ENTREP2: variants seen among roughly 807,000 people sequenced by gnomAD.
ENTREP2 encodes protein ENTREP2.
At chr15:29,347,785 C>T in the ENTREP2 span, among the ~76,000 whole-genome samples, 1 of 152,192 alleles carries the variant, frequency 6.6e-6, no homozygotes, top group African/African-American at 2.4e-5. Context: ...TACGCAGGCT[C>T]GCCAACACAG....
the ENTREP2 span, among the ~76,000 whole-genome samples, chr15:29,536,672 T>C: frequency 6.6e-6 from 1 of 152,234 alleles, no homozygotes; most frequent in Admixed American, 6.5e-5. Flanking sequence ...GGAGTTTATT[T>C]GGAAAGAAGG....
the ENTREP2 span, among the ~76,000 whole-genome samples, chr15:29,631,537 C>A: frequency 1.3e-5 from 2 of 152,042 alleles, no homozygotes; most frequent in African/African-American, 2.4e-5. Context: ...CTCTGCAATG[C>A]GTATGTACAT....
At chr15:29,312,369 C>T in the ENTREP2 span, among the ~76,000 whole-genome samples, 1 of 151,794 alleles carries the variant, frequency 6.6e-6, no homozygotes, top group Admixed American at 6.6e-5. Flanking sequence ...AATAAGAAAG[C>T]TGGTTGTATA....
chr15:29,492,240 T>A, the ENTREP2 span, among the ~76,000 whole-genome samples: 70 of 152,300 alleles, frequency 4.6e-4, no homozygotes, highest in African/African-American at 1.7e-3. Flanking sequence ...GCAGTAATAC[T>A]CAGACTGCAA....
chr15:29,219,511 C>CT, the ENTREP2 span, among the ~76,000 whole-genome samples: 4,798 of 150,952 alleles, frequency 0.032, 278 homozygotes, highest in African/African-American at 0.11. Flanking sequence ...GAAAAGGATA[C>CT]TTCACACGCA....
At chr15:29,398,984 A>G in the ENTREP2 span, among the ~76,000 whole-genome samples, 1 of 152,172 alleles carries the variant, frequency 6.6e-6, no homozygotes, top group African/African-American at 2.4e-5. Context: ...ATCAGGCAAG[A>G]CCTTTGGTTC....
At chr15:29,570,264 GA>G in the ENTREP2 span, among the ~76,000 whole-genome samples, 1 of 151,670 alleles carries the variant, frequency 6.6e-6, no homozygotes, top group South Asian at 2.1e-4. Context: ...TTTCCTCCAA[GA>G]AAAGTAACTC....
At chr15:29,577,349 T>TGAGA in the ENTREP2 span, among the ~76,000 whole-genome samples, 7 of 144,452 alleles carry the variant, frequency 4.8e-5, no homozygotes, top group African/African-American at 1.8e-4. Context: ...TGTGTGTGTG[T>TGAGA]GAGAGAGAGA....
the ENTREP2 span, among the ~76,000 whole-genome samples, chr15:29,318,248 G>A: frequency 6.6e-6 from 1 of 152,184 alleles, no homozygotes; most frequent in Non-Finnish European, 1.5e-5. Context: ...CACAGCGTGT[G>A]CTCACTTCAT....
chr15:29,385,994 G>A, the ENTREP2 span, among the ~76,000 whole-genome samples: 31 of 151,618 alleles, frequency 2.0e-4, no homozygotes, highest in Non-Finnish European at 2.9e-4. Flanking sequence ...GCAGTCGGAG[G>A]AGAGTCCAGC....
the ENTREP2 span, among the ~76,000 whole-genome samples, chr15:29,119,648 T>TATAA: frequency 4.8e-4 from 2 of 4,124 alleles, 1 homozygote; most frequent in African/African-American, 5.7e-4. Context: ...TAAAATAAAA[T>TATAA]AATAAAATAA....
At chr15:29,407,648 A>T in the ENTREP2 span, among the ~76,000 whole-genome samples, 2 of 151,752 alleles carry the variant, frequency 1.3e-5, no homozygotes, top group Non-Finnish European at 2.9e-5. Context: ...ATATCTCAGC[A>T]AACCAGAGTG....
the ENTREP2 span, among the ~76,000 whole-genome samples, chr15:29,382,287 A>C: frequency 6.6e-6 from 1 of 151,450 alleles, no homozygotes; most frequent in African/African-American, 2.4e-5. Flanking sequence ...ATCACAGAGA[A>C]CACTATTTGG....
chr15:29,348,322 CAG>C, the ENTREP2 span, among the ~76,000 whole-genome samples: 13 of 152,104 alleles, frequency 8.5e-5, no homozygotes, highest in South Asian at 6.2e-4. Flanking sequence ...GAAATGGAAA[CAG>C]GGGGAGGTCT....
At chr15:29,283,783 C>CA in the ENTREP2 span, among the ~76,000 whole-genome samples, 1 of 152,068 alleles carries the variant, frequency 6.6e-6, no homozygotes, top group African/African-American at 2.4e-5. Context: ...TATTAGAGCA[C>CA]AAAAAATGCT....
chr15:29,162,099 G>A, the ENTREP2 span, among the ~76,000 whole-genome samples: 1 of 152,202 alleles, frequency 6.6e-6, no homozygotes, highest in Non-Finnish European at 1.5e-5. Flanking sequence ...ACCTGGAGCT[G>A]AGTCAATTTA....
At chr15:29,644,264 G>A in the ENTREP2 span, among the ~76,000 whole-genome samples, 5 of 152,092 alleles carry the variant, frequency 3.3e-5, no homozygotes, top group African/African-American at 4.8e-5. Context: ...GTAGATTACC[G>A]GTTGCCAAGG....
chr15:29,396,521 G>A, the ENTREP2 span, among the ~76,000 whole-genome samples: 1 of 152,168 alleles, frequency 6.6e-6, no homozygotes, highest in South Asian at 2.1e-4. Flanking sequence ...AATTTCTGAT[G>A]AAATATGTGA....
chr15:29,528,987 A>G, the ENTREP2 span, among the ~76,000 whole-genome samples: 1 of 151,492 alleles, frequency 6.6e-6, no homozygotes, highest in Non-Finnish European at 1.5e-5. Flanking sequence ...CCTTTGTCCC[A>G]TGTGATTGTA....
Sources: allele counts gnomAD v4.1 joint callset (sites outside exome capture counted in the v4.1 genomes callset), GRCh38; gene constraint gnomAD v4.1.1; transcripts MANE v1.5; gene names NCBI Gene and HGNC (gene_info 2026-07-23, HGNC 2026-07-21).